Variants in TRAF5 observed in about 807,000 individuals in gnomAD.
TRAF5 encodes the protein TNF receptor associated factor 5, also known as TNF receptor-associated factor 5.
A neutral mutation model predicts 64.5 loss-of-function variants in TRAF5; 48 were observed. That is an observed-to-expected ratio of 0.74 (90% confidence interval 0.59 to 0.95). The LOEUF (loss-of-function observed/expected upper bound fraction) is 0.95, where lower values mean the gene tolerates loss of function less well. Among genes scored for constraint, TRAF5 ranks in the 40% least tolerant of loss-of-function variants. The pLI, the probability that TRAF5 is intolerant of heterozygous loss-of-function variation, is 0.00. For missense variants in TRAF5, 545 were observed against 662.8 expected (o/e 0.82, Z 1.95); for synonymous variants, 206 against 240.5 (o/e 0.86, Z 1.33).
chr1:211,359,909 C>T lies in TRAF5; in HGVS notation c.379-3C>T. The T allele has an allele frequency of 6.2e-7, 1 of 1,613,868 alleles. No homozygotes were observed. The highest frequency in any genetic ancestry group is 8.5e-7 in the Non-Finnish European group (1 of 1,179,802). ...CCCACTGGCCTGTTGTTATCTGTTG[C>T]AGGATCACCTTCAGCAGTGCTTATT... On this transcript the variant is annotated splice_region_variant and splice_polypyrimidine_tract_variant and intron_variant, in intron 4 of 10. Coordinates refer to ENST00000261464, the MANE Select transcript of TRAF5 (RefSeq NM_001033910.3).
At chr1:211,345,370 C>CT (rs1189008520) in intron 1 of TRAF5, among the ~76,000 whole-genome samples, 2 of 151,842 alleles carry the variant, frequency 1.3e-5, no homozygotes, top group Non-Finnish European at 2.9e-5. Flanking sequence ...CTCCCCCCCC[C>CT]TCCTTTTTTT....
At chr1:211,335,112 A>G (rs1271157270) in intron 1 of TRAF5, among the ~76,000 whole-genome samples, 1 of 152,164 alleles carries the variant, frequency 6.6e-6, no homozygotes, top group East Asian at 1.9e-4. Context: ...TCCATCCCCC[A>G]TAATCGAGCA....
In TRAF5 at chr1:211,339,736, C is replaced by T. The variant is rs185008505; in HGVS notation, c.-2+12847C>T. Among the ~76,000 whole-genome samples, 623 of 152,304 alleles carry T rather than the reference C, an allele frequency of 4.1e-3. 9 individuals carry two copies. Among genetic ancestry groups the T allele is most frequent in the African/African-American group, 0.015 (606 of 41,558 alleles). ...CACCTGGGGTGTGCCTGGGGTGTGT[C>T]TGGGGTAGCCCTCCGCCAGGAAGCG... On this transcript the variant is annotated intron_variant, in intron 1 of 10. Coordinates refer to ENST00000261464, the MANE Select transcript of TRAF5 (RefSeq NM_001033910.3).
intron 7 of TRAF5, 106 bp downstream of exon 7, chr1:211,361,268 C>A: frequency 9.9e-7 from 1 of 1,009,196 alleles, no homozygotes; most frequent in Non-Finnish European, 1.5e-6. Flanking sequence ...ACATACAGTT[C>A]TGAGAAATTT....
At chr1:211,352,406 T>C (rs1702811698) in intron 1 of TRAF5, among the ~76,000 whole-genome samples, 1 of 141,750 alleles carries the variant, frequency 7.1e-6, no homozygotes, top group Admixed American at 7.2e-5. Context: ...AGAGGAGACT[T>C]GGGTGGGGAC....
chr1:211,369,886 G>A lies in TRAF5; in HGVS notation c.930+294G>A, dbSNP rs879780820. Reference sequence around the variant, plus strand: ...CTCTCTCTAAACCATTTGCGAGTACGCTGCGTATATTATGGCCCTTTACCT... The same window carrying A: ...CTCTCTCTAAACCATTTGCGAGTACACTGCGTATATTATGGCCCTTTACCT... On this transcript the variant is annotated intron_variant, in intron 9 of 10. Coordinates refer to ENST00000261464, the MANE Select transcript of TRAF5 (RefSeq NM_001033910.3). Among the ~76,000 whole-genome samples, 4 of 152,074 alleles carry A rather than the reference G, an allele frequency of 2.6e-5. No individual in the cohort carries two copies. The South Asian group carries it at 6.2e-4, about 24-fold the overall frequency.
At chr1:211,332,566 T>C (rs1702184203) in intron 1 of TRAF5, among the ~76,000 whole-genome samples, 1 of 152,198 alleles carries the variant, frequency 6.6e-6, no homozygotes, top group Non-Finnish European at 1.5e-5. Context: ...TGGGTTGATA[T>C]CTATGATGCA....
chr1:211,364,749 A>T (rs565278407), intron 7 of TRAF5, among the ~76,000 whole-genome samples: 2 of 152,274 alleles, frequency 1.3e-5, no homozygotes, highest in East Asian at 1.9e-4. Flanking sequence ...GATAGGTTTT[A>T]TATGGGAATA....
chr1:211,332,966 C>T (rs1295023753), intron 1 of TRAF5, among the ~76,000 whole-genome samples: 1 of 152,180 alleles, frequency 6.6e-6, no homozygotes, highest in African/African-American at 2.4e-5. Flanking sequence ...TGTGGACAGC[C>T]AGAGGCTAAG....
At chr1:211,331,032 T>C (rs1702142414) in intron 1 of TRAF5, among the ~76,000 whole-genome samples, 1 of 152,182 alleles carries the variant, frequency 6.6e-6, no homozygotes, top group Non-Finnish European at 1.5e-5. Flanking sequence ...CCTTAGACAT[T>C]TGTCCGAGGC....
intron 1 of TRAF5, among the ~76,000 whole-genome samples, chr1:211,345,216 C>T (rs1291954749): frequency 6.6e-6 from 1 of 152,082 alleles, no homozygotes; most frequent in Non-Finnish European, 1.5e-5. Context: ...TGCACCTGGC[C>T]AACTAATTTT....
chr1:211,369,595 A>G lies in TRAF5; in HGVS notation c.930+3A>G. ...GAAGCTTCCTCCCAAACATCCAGGTAAGAAATGGCCTTTGCGTTGAAAGCC... is the reference window on the plus strand; with the variant it reads ...GAAGCTTCCTCCCAAACATCCAGGTGAGAAATGGCCTTTGCGTTGAAAGCC... On this transcript the variant is annotated splice_donor_region_variant and intron_variant, in intron 9 of 10. Transcript: ENST00000261464. 1.3e-6 allele frequency: 2 copies of G among 1,588,088 alleles called. No individual in the cohort carries two copies. Among genetic ancestry groups the G allele is most frequent in the Non-Finnish European group, 1.7e-6 (2 of 1,171,676 alleles).
At chr1:211,358,108 T>TTTTG (rs1285166541) in intron 4 of TRAF5, 1 of 152,232 alleles carries the variant, frequency 6.6e-6, no homozygotes, top group Non-Finnish European at 1.5e-5. Flanking sequence ...TTCTCTAACA[T>TTTTG]TTTGTTAACT....
intron 2 of TRAF5, chr1:211,353,734 GC>G (rs368828426): frequency 8.7e-6 from 4 of 459,110 alleles, no homozygotes; most frequent in Non-Finnish European, 1.6e-5. Flanking sequence ...ATGGGAGCTG[GC>G]TGTGGAGAAG....
At chr1:211,369,688 T>C in intron 9 of TRAF5, 96 bp downstream of exon 9, 1 of 1,294,728 alleles carries the variant, frequency 7.7e-7, no homozygotes, top group Non-Finnish European at 1.0e-6. Context: ...ATTTAAAATA[T>C]ACAGAAAAGC....
In TRAF5 at chr1:211,360,082, A is replaced by G; in HGVS notation, c.543+6A>G. 6.2e-7 allele frequency: 1 copy of G among 1,613,776 alleles called. No individual in the cohort carries two copies. Among genetic ancestry groups the G allele is most frequent in the South Asian group, 1.1e-5 (1 of 90,988 alleles). On this transcript the variant is annotated splice_donor_region_variant and intron_variant, in intron 5 of 10. Transcript: ENST00000261464. ...TGGTAGTCATCAATCTACAGGTGAAAAACAACACATACAACAGTCATCTTT... is the reference window on the plus strand; with the variant it reads ...TGGTAGTCATCAATCTACAGGTGAAGAACAACACATACAACAGTCATCTTT...
At position 211,354,398 on chromosome 1, in the gene TRAF5, T is replaced by TG; in HGVS notation, c.219-12_219-11insG. 2.5e-6 allele frequency: 4 copies of TG among 1,613,778 alleles called. No homozygotes were observed. Among genetic ancestry groups the TG allele is most frequent in the Middle Eastern group, 1.6e-4 (1 of 6,062 alleles). On this transcript the variant is annotated splice_polypyrimidine_tract_variant and intron_variant, in intron 2 of 10. Transcript: ENST00000261464. The stretch of plus-strand genomic sequence containing the variant: ...CAACTAACTCTGGCTCCATTTTAAT[T>TG]TTTTTCTCCAGAGAATTAAACACAG...
Position 211,373,183 on chromosome 1 carries a change from T to C in TRAF5, c.*481T>C, listed in dbSNP as rs886727048. ...GTAGTGGGTGATGTAGTTACAAAGA[T>C]AATATGCTCAGTTTGGACCTTTTTT... On this transcript the variant is annotated 3_prime_UTR_variant, in exon 11 of 11. Transcript: ENST00000261464. The C allele has an allele frequency of 1.3e-5, 2 of 152,630 alleles. No individual in the cohort carries two copies. The highest frequency in any genetic ancestry group is 2.9e-5 in the Non-Finnish European group (2 of 68,366). The allele number at this position is 152,630 out of a possible 1,614,324, so 9.5% of individuals were successfully genotyped here.
At chr1:211,356,832 A>G (rs145330241) in intron 4 of TRAF5, 1 of 176,488 alleles carries the variant, frequency 5.7e-6, no homozygotes, top group African/African-American at 2.4e-5. Context: ...CTACAGAAAG[A>G]CACAATTGTG....
Sources: allele counts gnomAD v4.1 joint callset (sites outside exome capture counted in the v4.1 genomes callset), GRCh38; gene constraint gnomAD v4.1.1; transcripts MANE v1.5; gene names NCBI Gene and HGNC (gene_info 2026-07-23, HGNC 2026-07-21).